The following RETREG1 variants were observed in gnomAD, a reference collection of about 807,000 sequenced individuals.
The protein encoded by RETREG1 is reticulophagy regulator 1, also known as family with sequence similarity 134 member B.
RETREG1 carries 44 observed loss-of-function variants against 54.8 expected under a neutral mutation model. The ratio of observed to expected loss-of-function variants is 0.80; its 90% CI spans 0.63 to 1.03. RETREG1 has a LOEUF of 1.03. Ranked by LOEUF, RETREG1 falls within the 50% of genes least tolerant of loss-of-function variation. RETREG1 has a pLI of 0.00. For missense variants in RETREG1, 554 were observed against 605.1 expected, an observed-to-expected ratio of 0.92 and a Z score of 0.89; for synonymous variants, 217 against 238.5, an observed-to-expected ratio of 0.91 and a Z score of 0.83.
At chr5:16,487,891 C>A (rs928992851) in intron 3 of RETREG1, among the ~76,000 whole-genome samples, 3 of 152,202 alleles carry the variant, frequency 2.0e-5, no homozygotes, top group Admixed American at 1.3e-4. Flanking sequence ...CCTCCCTGTC[C>A]CTATTAGAAT....
At position 16,481,120 on chromosome 5, in the gene RETREG1, T is replaced by C. The variant is rs752870551; in HGVS notation, c.586-27A>G. 9 of 1,498,290 alleles carry C rather than the reference T, an allele frequency of 6.0e-6. No homozygotes were observed. In the Admixed American group the frequency reaches 8.4e-5, roughly 14 times the overall value. The allele number at this position is 1,498,290 out of a possible 1,614,324, so 92.8% of individuals were successfully genotyped here. A position where few individuals can be genotyped will look rare whatever the true frequency, so the allele number is the denominator to read the frequency against. On this transcript the variant is annotated intron_variant, in intron 4 of 8. Coordinates refer to ENST00000306320, the MANE Select transcript of RETREG1 (RefSeq NM_001034850.3). ...TGGAAATAATAGAAATAACATGGGATAGTTAAGCATAACACCAAGATATTT... is the reference window on the plus strand; with the variant it reads ...TGGAAATAATAGAAATAACATGGGACAGTTAAGCATAACACCAAGATATTT...
chr5:16,539,715 A>G (rs1388826928), intron 3 of RETREG1, among the ~76,000 whole-genome samples: 1 of 152,148 alleles, frequency 6.6e-6, no homozygotes, highest in Non-Finnish European at 1.5e-5. Flanking sequence ...GGCAGAACTC[A>G]CACCTCTGTC....
chr5:16,562,563 A>G (rs533605137), intron 3 of RETREG1, among the ~76,000 whole-genome samples: 100 of 152,322 alleles, frequency 6.6e-4, no homozygotes, highest in Admixed American at 1.3e-3. Context: ...GAACCAACTT[A>G]GAGATACCTG....
rs977868755 is a variant in RETREG1, at chr5:16,561,553, G to C, written c.458+4210C>G. Among the ~76,000 whole-genome samples, 4 of 151,942 alleles carry C rather than the reference G, an allele frequency of 2.6e-5. No homozygotes were observed. Among genetic ancestry groups the C allele is most frequent in the African/African-American group, 9.7e-5 (4 of 41,382 alleles). ...AAATAAAATACAAATACAAATAAAT[G>C]GTATTTCCAGTAGCCTGCCTTCTCT... On this transcript the variant is annotated intron_variant, in intron 3 of 8. Transcript: ENST00000306320. The surrounding 1 kb of genome is among the most constrained non-coding windows in gnomAD (Gnocchi z 4.2).
intron 1 of RETREG1, among the ~76,000 whole-genome samples, chr5:16,613,097 AT>A (rs35079300): frequency 0.57 from 85,584 of 150,126 alleles, 24,446 homozygotes; most frequent in South Asian, 0.6. Flanking sequence ...TCTACAAAGT[AT>A]TTTTTTTTTT....
At chr5:16,539,994 T>G (rs1475631894) in intron 3 of RETREG1, among the ~76,000 whole-genome samples, 1 of 152,238 alleles carries the variant, frequency 6.6e-6, no homozygotes, top group Non-Finnish European at 1.5e-5. Flanking sequence ...AATAATCCTC[T>G]AAAATATAAA....
At chr5:16,512,943 G>A (rs926708088) in intron 3 of RETREG1, among the ~76,000 whole-genome samples, 4 of 152,054 alleles carry the variant, frequency 2.6e-5, no homozygotes, top group African/African-American at 7.3e-5. Flanking sequence ...CCAAGCGAAG[G>A]TAACTGCCAG....
intron 1 of RETREG1, among the ~76,000 whole-genome samples, chr5:16,605,095 C>T (rs1336495458): frequency 6.6e-6 from 1 of 152,100 alleles, no homozygotes; most frequent in African/African-American, 2.4e-5. Flanking sequence ...AAGAAATGGC[C>T]AAACATAAAT....
intron 3 of RETREG1, among the ~76,000 whole-genome samples, chr5:16,486,463 C>T (rs1380363629): frequency 6.6e-6 from 1 of 152,172 alleles, no homozygotes; most frequent in Non-Finnish European, 1.5e-5. Flanking sequence ...CACCACAGTT[C>T]AATTTAGGTT....
intron 1 of RETREG1, among the ~76,000 whole-genome samples, chr5:16,613,415 A>G (rs925983436): frequency 6.6e-6 from 1 of 152,076 alleles, no homozygotes; most frequent in Non-Finnish European, 1.5e-5. Flanking sequence ...TCTTCCATCC[A>G]CAATACCACG....
Position 16,571,261 on chromosome 5 carries a change from A to G in RETREG1, c.427+735T>C, listed in dbSNP as rs571965873. 2.6e-5 allele frequency among the ~76,000 whole-genome samples: 4 copies of G among 152,292 alleles called. No individual in the cohort carries two copies. In the South Asian group the frequency reaches 8.3e-4, roughly 32 times the overall value. On this transcript the variant is annotated intron_variant, in intron 2 of 8. Coordinates refer to ENST00000306320, the MANE Select transcript of RETREG1 (RefSeq NM_001034850.3). The stretch of plus-strand genomic sequence containing the variant: ...GTCCACACGGACCTCCACCAAAAGC[A>G]TCCCTCCATTTGGGGTGCATTTAGT...
chr5:16,494,143 C>A (rs781743187), intron 3 of RETREG1, among the ~76,000 whole-genome samples: 1 of 152,090 alleles, frequency 6.6e-6, no homozygotes, highest in Admixed American at 6.5e-5. Context: ...TTATCAGTCA[C>A]AGAAAAAAAT....
chr5:16,533,898 T>G (rs1740983882), intron 3 of RETREG1, among the ~76,000 whole-genome samples: 1 of 152,136 alleles, frequency 6.6e-6, no homozygotes, highest in African/African-American at 2.4e-5. Context: ...CTCGCCAGAA[T>G]AGATCACTTT....
At chr5:16,529,131 T>C (rs941029899) in intron 3 of RETREG1, among the ~76,000 whole-genome samples, 46 of 152,210 alleles carry the variant, frequency 3.0e-4, no homozygotes, top group African/African-American at 1.1e-3. Flanking sequence ...AAATAAAACC[T>C]ACAAATAAAA....
At chr5:16,555,270 G>C (rs1741674489) in intron 3 of RETREG1, among the ~76,000 whole-genome samples, 1 of 152,138 alleles carries the variant, frequency 6.6e-6, no homozygotes, top group South Asian at 2.1e-4. Context: ...TCCTGCCTCA[G>C]CCTCCCAAGT....
intron 6 of RETREG1, among the ~76,000 whole-genome samples, chr5:16,478,448 G>A (rs192731241): frequency 3.4e-4 from 52 of 152,194 alleles, no homozygotes; most frequent in Non-Finnish European, 3.5e-4. Flanking sequence ...AGCCCTCCAC[G>A]TGACTCCGAT....
intron 2 of RETREG1, among the ~76,000 whole-genome samples, chr5:16,569,828 G>C (rs373345962): frequency 6.6e-6 from 1 of 152,194 alleles, no homozygotes; most frequent in East Asian, 1.9e-4. Context: ...AAATGCAATC[G>C]TAAGTGTACT....
chr5:16,481,217 A>AT lies in RETREG1; in HGVS notation c.586-125dup. The AT allele has an allele frequency of 4.0e-6, 3 of 759,136 alleles. No homozygotes were observed. In the Admixed American group the frequency reaches 6.2e-5, roughly 16 times the overall value. The allele number at this position is 759,136 out of a possible 1,614,324, so 47.0% of individuals were successfully genotyped here. On this transcript the variant is annotated intron_variant, in intron 4 of 8. Coordinates refer to ENST00000306320, the MANE Select transcript of RETREG1 (RefSeq NM_001034850.3). ...TAAGTGACCTATCTGGTTATTACAG[A>AT]TTTTTTCCAAAGAGCATTATTTTGC...
chr5:16,529,971 C>A (rs1384770527), intron 3 of RETREG1, among the ~76,000 whole-genome samples: 3 of 152,198 alleles, frequency 2.0e-5, no homozygotes, highest in Admixed American at 6.5e-5. Context: ...ACCCTTTACT[C>A]TCCACATCAC....
Sources: gnomAD v4.1 joint callset for allele counts (sites outside exome capture counted in the v4.1 genomes callset) on GRCh38, gnomAD v4.1.1 for gene constraint, Gnocchi (gnomAD v3.1) non-coding constraint, MANE v1.5 for transcripts, NCBI Gene and HGNC (gene_info 2026-07-23, HGNC 2026-07-21) for gene names.